PBLD: variants seen among roughly 807,000 people sequenced by gnomAD.
The protein encoded by PBLD is phenazine biosynthesis like protein domain containing.
A neutral mutation model predicts 31.3 loss-of-function variants in PBLD; 26 were observed. The ratio of observed to expected loss-of-function variants is 0.83; its 90% CI spans 0.61 to 1.15. The LOEUF (loss-of-function observed/expected upper bound fraction) is 1.15, where lower values mean the gene tolerates loss of function less well. PBLD is among the 50% of genes most tolerant of loss of function. PBLD has a pLI of 0.00. For synonymous variants in PBLD, 114 were observed against 129.0 expected, an observed-to-expected ratio of 0.88 and a Z score of 0.79; for missense variants, 307 against 351.7, an observed-to-expected ratio of 0.87 and a Z score of 1.02.
chr10:68,288,839 T>C, intron 7 of PBLD, 92 bp downstream of exon 7: 2 of 1,368,720 alleles, frequency 1.5e-6, no homozygotes, highest in South Asian at 2.5e-5. Context: ...TAAATCATGG[T>C]TTGACTGGAC....
chr10:68,312,672 C>T (rs953548982), intron 1 of PBLD, among the ~76,000 whole-genome samples: 1 of 124,082 alleles, frequency 8.1e-6, no homozygotes, highest in East Asian at 2.5e-4. Context: ...TGCAGTGGTG[C>T]GATTTCAGCT....
intron 1 of PBLD, among the ~76,000 whole-genome samples, chr10:68,311,751 C>CAAAA (rs987918906): frequency 8.2e-4 from 49 of 59,720 alleles, no homozygotes; most frequent in Non-Finnish European, 9.7e-4. Context: ...GACCCTGCCT[C>CAAAA]AAAAAAAAAA....
chr10:68,313,100 A>G (rs1269085143), intron 1 of PBLD, among the ~76,000 whole-genome samples: 1 of 152,092 alleles, frequency 6.6e-6, no homozygotes, highest in Non-Finnish European at 1.5e-5. Flanking sequence ...TTTATTGTAG[A>G]GAGGGGTTCT....
intron 1 of PBLD, among the ~76,000 whole-genome samples, chr10:68,319,047 A>AAGAGAGAGAG (rs745362764): frequency 2.9e-4 from 32 of 111,344 alleles, no homozygotes; most frequent in South Asian, 5.8e-4. Context: ...GAAAGAAAGA[A>AAGAGAGAGAG]AGAGAGAGAA....
intron 1 of PBLD, among the ~76,000 whole-genome samples, chr10:68,307,381 G>A (rs2044595744): frequency 6.6e-6 from 1 of 152,004 alleles, no homozygotes; most frequent in African/African-American, 2.4e-5. Flanking sequence ...TAAAATACTG[G>A]CTAAATTGAT....
At chr10:68,304,502 T>C (rs969907384) in intron 2 of PBLD, among the ~76,000 whole-genome samples, 1 of 152,242 alleles carries the variant, frequency 6.6e-6, no homozygotes, top group African/African-American at 2.4e-5. Context: ...CTTAAATTTT[T>C]ATTTCCTAGT....
rs185908115 is a variant in PBLD at position 68,307,111 on chromosome 10, C to A, written c.-59-208G>T. 6.4e-3 allele frequency among the ~76,000 whole-genome samples: 977 copies of A among 152,056 alleles called. 7 individuals carry two copies. The highest frequency in any genetic ancestry group is 9.3e-3 in the Non-Finnish European group (633 of 67,978). On this transcript the variant is annotated intron_variant, in intron 1 of 9. Transcript: ENST00000358769. The stretch of plus-strand genomic sequence containing the variant: ...TGGCACCGATCTCGGCTCACTGTAA[C>A]CTCCGCCTCCCCGGTTCAAGCGATT...
chr10:68,328,800 CTTTT>C (rs140395448), intron 1 of PBLD, among the ~76,000 whole-genome samples: 3 of 147,562 alleles, frequency 2.0e-5, no homozygotes, highest in Non-Finnish European at 4.5e-5. Flanking sequence ...GTTGACAAGA[CTTTT>C]TTTTTTTTTA....
chr10:68,318,234 A>G (rs983507212), intron 1 of PBLD, among the ~76,000 whole-genome samples: 24 of 151,948 alleles, frequency 1.6e-4, no homozygotes, highest in Admixed American at 1.4e-3. Context: ...CTCTAAATAA[A>G]TAAATAAATA....
chr10:68,329,469 GGAGATTACAGAATTCC>G (rs2044977559), intron 1 of PBLD, among the ~76,000 whole-genome samples: 1 of 152,194 alleles, frequency 6.6e-6, no homozygotes, highest in Non-Finnish European at 1.5e-5. Context: ...AAGGAGTGAA[GGAGATTACAGAATTCC>G]ATCTGCCAAA....
At chr10:68,286,715 T>C (rs1365766891) in intron 8 of PBLD, among the ~76,000 whole-genome samples, 1 of 152,214 alleles carries the variant, frequency 6.6e-6, no homozygotes, top group African/African-American at 2.4e-5. Context: ...GTGAGGTATT[T>C]TTTCACGTTT....
intron 4 of PBLD, among the ~76,000 whole-genome samples, chr10:68,294,249 C>T (rs1223457770): frequency 1.3e-5 from 2 of 152,176 alleles, no homozygotes; most frequent in Non-Finnish European, 2.9e-5. Flanking sequence ...TAGCTCATCC[C>T]ACAGATGCTT....
intron 1 of PBLD, among the ~76,000 whole-genome samples, chr10:68,308,113 T>C (rs2044608335): frequency 6.6e-6 from 1 of 152,122 alleles, no homozygotes; most frequent in Non-Finnish European, 1.5e-5. Context: ...TCAAGTCCCT[T>C]ATATAAAATA....
chr10:68,311,749 C>CT lies in PBLD; in HGVS notation c.-59-4847dup, dbSNP rs1334675776. Among the ~76,000 whole-genome samples, 9 of 98,770 alleles carry CT rather than the reference C, an allele frequency of 9.1e-5. No homozygotes were observed. In the East Asian group the frequency reaches 2.5e-3, roughly 27 times the overall value. The allele number at this position is 98,770 out of a possible 152,430, so 64.8% of individuals were successfully genotyped here. On this transcript the variant is annotated intron_variant, in intron 1 of 9. Transcript: ENST00000358769. ...CCTGGGTGGCAGAGCGAGACCCTGC[C>CT]TCAAAAAAAAAAAAAAAAAAAAAGA... is the stretch of plus-strand genomic sequence containing the variant.
At position 68,286,085 on chromosome 10, in the gene PBLD, CT is replaced by C. The variant is rs71009034; in HGVS notation, c.692-676del. 3.8e-3 allele frequency among the ~76,000 whole-genome samples: 390 copies of C among 103,414 alleles called. 4 individuals are homozygous for C. Among genetic ancestry groups the C allele is most frequent in the South Asian group, 0.012 (36 of 2,962 alleles). The allele number at this position is 103,414 out of a possible 152,430, so 67.8% of individuals were successfully genotyped here. ...GGAGAATCAAGGCCTTTGAATAATT[CT>C]TTTTTTTTTTTTTTTTTTTGAGACG... is the stretch of plus-strand genomic sequence containing the variant. On this transcript the variant is annotated intron_variant, in intron 8 of 9. Coordinates refer to ENST00000358769, the MANE Select transcript of PBLD (RefSeq NM_022129.4).
rs746928975 is a variant in PBLD, at chr10:68,292,045, T to A, written c.394-6A>T. 1 of 1,587,670 alleles carries A rather than the reference T, an allele frequency of 6.3e-7. No individual in the cohort carries two copies. The highest frequency in any genetic ancestry group is 8.6e-7 in the Non-Finnish European group (1 of 1,158,898). On this transcript the variant is annotated splice_polypyrimidine_tract_variant and splice_region_variant and intron_variant, in intron 5 of 9. Coordinates refer to ENST00000358769, the MANE Select transcript of PBLD (RefSeq NM_022129.4). ...TCCTCTACTTCATGGAAGTCCTAGA[T>A]GGGGGGAAAAAAAACAAAATTATTA...
At chr10:68,304,341 G>A (rs1352706731) in intron 2 of PBLD, among the ~76,000 whole-genome samples, 1 of 152,180 alleles carries the variant, frequency 6.6e-6, no homozygotes, top group Non-Finnish European at 1.5e-5. Flanking sequence ...CTGACAGGCC[G>A]TGAAATTTTC....
chr10:68,315,906 T>C (rs994678109), intron 1 of PBLD, among the ~76,000 whole-genome samples: 1 of 152,142 alleles, frequency 6.6e-6, no homozygotes, highest in African/African-American at 2.4e-5. Flanking sequence ...TAAGCTAACA[T>C]ACCAGTGTCT....
chr10:68,288,494 T>C lies in PBLD; in HGVS notation c.680A>G (p.Asp227Gly), dbSNP rs762792446. ...YFAPWVGVAE[D>G]PVTGSAHAVL... Reference sequence around the variant, plus strand: ...CAAGTAAAAAGTACCTGTCACTGGGTCTTCAGCCACACCAACCCACGGTGC... The same window carrying C: ...CAAGTAAAAAGTACCTGTCACTGGGCCTTCAGCCACACCAACCCACGGTGC... The change falls in exon 8 of 10, where the codon GAC (aspartate) becomes GGC (glycine). Residue 227 changes from aspartate (D) to glycine (G), a missense_variant. By Grantham distance (94) the Asp-to-Gly change is moderately conservative. Transcript: ENST00000358769. 6.8e-6 allele frequency: 11 copies of C among 1,613,892 alleles called. No homozygotes were observed. The highest frequency in any genetic ancestry group is 7.6e-6 in the Non-Finnish European group (9 of 1,179,928).
Sources: gnomAD v4.1 joint callset for allele counts (sites outside exome capture counted in the v4.1 genomes callset) on GRCh38, gnomAD v4.1.1 for gene constraint, MANE v1.5 for transcripts, NCBI Gene and HGNC (gene_info 2026-07-23, HGNC 2026-07-21) for gene names.